The following ROBO1 variants were observed in gnomAD, a reference collection of about 807,000 sequenced individuals.
ROBO1 encodes the protein roundabout guidance receptor 1, also known as roundabout homolog 1.
Under a neutral mutation model 195.9 loss-of-function variants are expected in ROBO1, and 149 were observed. The observed-to-expected ratio is 0.76, with a 90% CI of 0.67 to 0.87. ROBO1 has a LOEUF of 0.87. Among genes scored for constraint, ROBO1 ranks in the 40% least tolerant of loss-of-function variants. The pLI, the probability that ROBO1 is intolerant of heterozygous loss-of-function variation, is 0.00. For synonymous variants in ROBO1, 816 were observed against 733.2 expected (o/e 1.11, Z -1.82); for missense variants, 1,933 against 2,068.3 (o/e 0.93, Z 1.27).
intron 2 of ROBO1, among the ~76,000 whole-genome samples, chr3:79,307,003 G>T (rs2033252904): frequency 6.7e-6 from 1 of 150,028 alleles, no homozygotes; most frequent in South Asian, 2.1e-4. Flanking sequence ...GAAAAACTAG[G>T]AAGAACTTCC....
intron 3 of ROBO1, among the ~76,000 whole-genome samples, chr3:78,947,590 A>G (rs1434029459): frequency 2.0e-5 from 3 of 152,164 alleles, no homozygotes; most frequent in Admixed American, 1.3e-4. Context: ...TAAAATTGAC[A>G]CCCTAACGTC....
intron 1 of ROBO1, among the ~76,000 whole-genome samples, chr3:79,748,573 G>A (rs1026933083): frequency 2.0e-5 from 3 of 152,052 alleles, no homozygotes; most frequent in Non-Finnish European, 2.9e-5. Flanking sequence ...GGTTTGATAT[G>A]GTTTTGCTGT....
At position 78,842,247 on chromosome 3, in the gene ROBO1, CATAT is replaced by C. The variant is rs200642251; in HGVS notation, c.500-95351_500-95348del. On this transcript the variant is annotated intron_variant, in intron 4 of 30. Transcript: ENST00000464233. The stretch of plus-strand genomic sequence containing the variant: ...CATATATATATTTATATATATGAGC[CATAT>C]ATATATTTATATATATGAGCCATAT... Among the ~76,000 whole-genome samples, 6 of 113,228 alleles carry C rather than the reference CATAT, an allele frequency of 5.3e-5. No homozygotes were observed. The South Asian group carries it at 1.1e-3, about 21-fold the overall frequency. The allele number at this position is 113,228 out of a possible 152,430, so 74.3% of individuals were successfully genotyped here.
intron 1 of ROBO1, among the ~76,000 whole-genome samples, chr3:79,597,711 C>T (rs1436647649): frequency 2.6e-5 from 4 of 151,920 alleles, no homozygotes; most frequent in East Asian, 1.9e-4. Flanking sequence ...ATTTGCTTTA[C>T]AAAATGAGGC....
At chr3:78,690,146 A>T (rs1223051557) in intron 8 of ROBO1, among the ~76,000 whole-genome samples, 1 of 150,992 alleles carries the variant, frequency 6.6e-6, no homozygotes, top group Non-Finnish European at 1.5e-5. Context: ...TATTAAAAAC[A>T]TGTATATATT....
intron 1 of ROBO1, among the ~76,000 whole-genome samples, chr3:79,741,643 C>T (rs1215394469): frequency 6.6e-6 from 1 of 152,064 alleles, no homozygotes; most frequent in African/African-American, 2.4e-5. Flanking sequence ...ATAAAGATAT[C>T]TGAAAATGCA....
At chr3:79,682,519 C>T (rs927596911) in intron 1 of ROBO1, among the ~76,000 whole-genome samples, 1 of 152,082 alleles carries the variant, frequency 6.6e-6, no homozygotes, top group East Asian at 1.9e-4. Flanking sequence ...ATGCATGTAT[C>T]AATAGTCAAT....
chr3:79,222,568 T>C (rs1419943699), intron 2 of ROBO1, among the ~76,000 whole-genome samples: 2 of 151,924 alleles, frequency 1.3e-5, no homozygotes, highest in South Asian at 2.1e-4. Flanking sequence ...ATTTTTCTCC[T>C]TTCTATCACT....
chr3:78,818,789 A>G (rs2030483354), intron 4 of ROBO1, among the ~76,000 whole-genome samples: 1 of 152,110 alleles, frequency 6.6e-6, no homozygotes, highest in South Asian at 2.1e-4. Flanking sequence ...TTTTCTATTG[A>G]GCTTCCAGCA....
intron 2 of ROBO1, among the ~76,000 whole-genome samples, chr3:79,496,550 A>ATT (rs1335090088): frequency 2.1e-5 from 3 of 143,762 alleles, no homozygotes; most frequent in African/African-American, 7.8e-5. Flanking sequence ...CGCCCGGCTA[A>ATT]TTTTTTGTAT....
chr3:79,685,816 T>A (rs1947088232), intron 1 of ROBO1, among the ~76,000 whole-genome samples: 1 of 152,150 alleles, frequency 6.6e-6, no homozygotes, highest in African/African-American at 2.4e-5. Context: ...GTACCATTAC[T>A]TCTGAAACTA....
intron 2 of ROBO1, among the ~76,000 whole-genome samples, chr3:79,188,768 C>G: frequency 6.6e-6 from 1 of 151,760 alleles, no homozygotes; most frequent in Admixed American, 6.6e-5. Context: ...CTGTATTCCT[C>G]AAACCAGCAG....
intron 1 of ROBO1, among the ~76,000 whole-genome samples, chr3:79,766,808 G>A (rs1025827374): frequency 1.3e-4 from 20 of 152,150 alleles, no homozygotes; most frequent in Admixed American, 7.2e-4. Context: ...AGGGCACGGC[G>A]TTTCATCAAT....
chr3:79,464,805 C>A (rs1227701624), intron 2 of ROBO1, among the ~76,000 whole-genome samples: 1 of 151,982 alleles, frequency 6.6e-6, no homozygotes, highest in Admixed American at 6.6e-5. Flanking sequence ...GGATTATGAT[C>A]AATACTCTCT....
chr3:79,287,034 G>T (rs2031929134), intron 2 of ROBO1, among the ~76,000 whole-genome samples: 1 of 152,064 alleles, frequency 6.6e-6, no homozygotes, highest in Non-Finnish European at 1.5e-5. Context: ...CCTTTTGTGT[G>T]TCCATTTTGG....
At chr3:79,257,427 C>T (rs376979480) in intron 2 of ROBO1, among the ~76,000 whole-genome samples, 6 of 152,094 alleles carry the variant, frequency 3.9e-5, no homozygotes, top group Non-Finnish European at 5.9e-5. Flanking sequence ...TTGAAATAAT[C>T]GTATAAACTG....
At chr3:78,927,817 G>T (rs1389007220) in intron 4 of ROBO1, among the ~76,000 whole-genome samples, 1 of 152,170 alleles carries the variant, frequency 6.6e-6, no homozygotes, top group Non-Finnish European at 1.5e-5. Context: ...CCAGGAGAAA[G>T]AAAGATTATT....
At chr3:79,398,448 G>A (rs1375240598) in intron 2 of ROBO1, among the ~76,000 whole-genome samples, 1 of 152,124 alleles carries the variant, frequency 6.6e-6, no homozygotes, top group Admixed American at 6.6e-5. Context: ...TACTGATATA[G>A]GTGTGTAGTA....
chr3:78,758,344 C>CA (rs2082993890), intron 4 of ROBO1, among the ~76,000 whole-genome samples: 1 of 151,904 alleles, frequency 6.6e-6, no homozygotes, highest in Non-Finnish European at 1.5e-5. Context: ...TACAGTGGGA[C>CA]ACCTGTCTCT....
Sources: gnomAD v4.1 joint callset for allele counts (sites outside exome capture counted in the v4.1 genomes callset) on GRCh38, gnomAD v4.1.1 for gene constraint, MANE v1.5 for transcripts, NCBI Gene and HGNC (gene_info 2026-07-23, HGNC 2026-07-21) for gene names.